Variants in ACOT7 observed in about 807,000 individuals in gnomAD.
The protein encoded by ACOT7 is cytosolic acyl coenzyme A thioester hydrolase.
A neutral mutation model predicts 40.2 loss-of-function variants in ACOT7; 12 were observed. The ratio of observed to expected loss-of-function variants is 0.30; its 90% CI spans 0.19 to 0.48. The LOEUF (loss-of-function observed/expected upper bound fraction) is 0.48, where lower values mean the gene tolerates loss of function less well. Ranked by LOEUF, ACOT7 falls within the 20% of genes least tolerant of loss-of-function variation. The probability of loss-of-function intolerance (pLI) is 0.99; values close to 1 mark genes in which losing one functional copy is unlikely to be tolerated. For synonymous variants in ACOT7, 228 were observed against 219.5 expected (o/e 1.04, Z -0.34); for missense variants, 395 against 530.8 (o/e 0.74, Z 2.51).
intron 8 of ACOT7, among the ~76,000 whole-genome samples, chr1:6,279,306 G>A (rs962436107): frequency 7.2e-5 from 11 of 152,188 alleles, no homozygotes; most frequent in African/African-American, 2.2e-4. Context: ...TGGGTGGCAC[G>A]GTGGGCCAGG....
At chr1:6,269,834 C>A (rs1638973783) in intron 8 of ACOT7, among the ~76,000 whole-genome samples, 1 of 152,248 alleles carries the variant, frequency 6.6e-6, no homozygotes. Flanking sequence ...TCCAGACCAG[C>A]CCAGGAGCCT....
intron 5 of ACOT7, among the ~76,000 whole-genome samples, chr1:6,319,746 G>T (rs1640591908): frequency 6.6e-6 from 1 of 152,170 alleles, no homozygotes; most frequent in African/African-American, 2.4e-5. Flanking sequence ...GCCTGGTCCA[G>T]CCCTTCCAGA....
chr1:6,309,568 G>A (rs115639550), intron 6 of ACOT7, among the ~76,000 whole-genome samples: 1,871 of 152,140 alleles, frequency 0.012, 22 homozygotes, highest in Middle Eastern at 0.041. Context: ...CTATCTCCCC[G>A]ATTTTGATAG....
intron 2 of ACOT7, among the ~76,000 whole-genome samples, chr1:6,339,885 G>A (rs912302363): frequency 1.3e-5 from 2 of 149,764 alleles, no homozygotes; most frequent in South Asian, 2.1e-4. Context: ...GACTACAGGC[G>A]CCCGCTGGGA....
intron 3 of ACOT7, among the ~76,000 whole-genome samples, chr1:6,337,093 T>C (rs956869814): frequency 6.6e-6 from 1 of 152,240 alleles, no homozygotes; most frequent in Non-Finnish European, 1.5e-5. Context: ...AAGCGTATCC[T>C]GCCTTCTCCA....
intron 3 of ACOT7, among the ~76,000 whole-genome samples, chr1:6,336,437 T>A (rs1334786245): frequency 6.6e-6 from 1 of 152,078 alleles, no homozygotes; most frequent in Non-Finnish European, 1.5e-5. Flanking sequence ...CTTAATATTT[T>A]GACAGTTGCT....
chr1:6,306,797 G>A lies in ACOT7; in HGVS notation c.712+11695C>T, dbSNP rs1640169177. On this transcript the variant is annotated intron_variant, in intron 6 of 8. Transcript: ENST00000361521. The surrounding 1 kb of genome is among the most constrained non-coding windows in gnomAD (Gnocchi z 4.3). ...CTGGTGTGTTGTGTCCCACGTAGCA[G>A]TGGGGGCTCCGGCCAAACAAGGTCA... 7.8e-7 allele frequency: 1 copy of A among 1,288,826 alleles called. No individual in the cohort carries two copies. The highest frequency in any genetic ancestry group is 1.0e-6 in the Non-Finnish European group (1 of 988,468). The allele number at this position is 1,288,826 out of a possible 1,614,324, so 79.8% of individuals were successfully genotyped here. A position where few individuals can be genotyped will look rare whatever the true frequency, so the allele number is the denominator to read the frequency against.
chr1:6,365,212 C>T (rs1037037901), intron 1 of ACOT7, among the ~76,000 whole-genome samples: 4 of 152,070 alleles, frequency 2.6e-5, no homozygotes, highest in African/African-American at 9.7e-5. Context: ...AGGGAGGGAC[C>T]AGAGAAGCAG....
chr1:6,278,550 T>G lies in ACOT7; in HGVS notation c.1014+2552A>C, dbSNP rs776013665. Among the ~76,000 whole-genome samples, 1 of 152,134 alleles carries G rather than the reference T, an allele frequency of 6.6e-6. No individual in the cohort carries two copies. The highest frequency in any genetic ancestry group is 2.4e-5 in the African/African-American group (1 of 41,420). ...GCACAGAGGCGGAGAGGGATTTTTT[T>G]GCGGGTGTGATAATGAGTTCCATTC... On this transcript the variant is annotated intron_variant, in intron 8 of 8. Transcript: ENST00000361521. The surrounding 1 kb of genome is among the most constrained non-coding windows in gnomAD (Gnocchi z 4.1).
intron 1 of ACOT7, among the ~76,000 whole-genome samples, chr1:6,363,428 G>T (rs980682047): frequency 1.3e-5 from 2 of 152,168 alleles, no homozygotes. Flanking sequence ...ACATCAGTCA[G>T]GCCTGCCCGC....
At chr1:6,350,785 T>C (rs369695606) in intron 1 of ACOT7, among the ~76,000 whole-genome samples, 1 of 152,192 alleles carries the variant, frequency 6.6e-6, no homozygotes, top group African/African-American at 2.4e-5. Flanking sequence ...CAGGTCTGCA[T>C]CTCCTCTCTG....
rs371500621 is a variant in ACOT7 at position 6,269,049 on chromosome 1, C to T, written c.1015-4354G>A. On this transcript the variant is annotated intron_variant, in intron 8 of 8. Transcript: ENST00000361521. ...CCCTGCGCAACCCATGCTTAGGGCG[C>T]GGCAGGCTGTGCACATCAGGGTCTT... 3.9e-4 allele frequency among the ~76,000 whole-genome samples: 59 copies of T among 152,296 alleles called. 1 individual carries two copies. In the East Asian group the frequency reaches 7.2e-3, roughly 18 times the overall value.
At position 6,349,858 on chromosome 1, in the gene ACOT7, C is replaced by T. The variant is rs1379776164; in HGVS notation, c.152G>A (p.Arg51Gln). 5 of 1,613,956 alleles carry T rather than the reference C, an allele frequency of 3.1e-6. No individual in the cohort carries two copies. Among genetic ancestry groups the T allele is most frequent in the African/African-American group, 2.7e-5 (2 of 74,924 alleles). The change falls in exon 2 of 9, where the codon CGG becomes CAG. Residue 51 changes from arginine to glutamine, a missense_variant. By Grantham distance (43) the Arg-to-Gln change is conservative. Coordinates refer to ENST00000361521, the MANE Select transcript of ACOT7 (RefSeq NM_007274.4). The part of the protein sequence containing the change: ...PSAIQICRIM[R>Q]PDDANVAGNV... ...GCCGGCCACGTTGGCATCATCTGGC[C>T]GCATGATCCTAGGGCAGAGGAGAAG...
In ACOT7 at chr1:6,368,762, G is replaced by A. The variant is rs1298158117; in HGVS notation, c.144-18896C>T. 4.6e-5 allele frequency among the ~76,000 whole-genome samples: 7 copies of A among 152,280 alleles called. 1 individual carries two copies. Among genetic ancestry groups the A allele is most frequent in the South Asian group, 4.1e-4 (2 of 4,824 alleles). ...TGCCTGGCTGTGCAAGGATGGGGGC[G>A]GTGCAGTCAGCTGCCCGGGGAATGC... On this transcript the variant is annotated intron_variant, in intron 1 of 8. Coordinates refer to ENST00000361521, the MANE Select transcript of ACOT7 (RefSeq NM_007274.4).
rs539574218 is a variant in ACOT7, at chr1:6,355,111, C to T, written c.144-5245G>A. 2.6e-5 allele frequency among the ~76,000 whole-genome samples: 4 copies of T among 152,254 alleles called. No homozygotes were observed. The highest frequency in any genetic ancestry group is 1.9e-4 in the East Asian group (1 of 5,172). On this transcript the variant is annotated intron_variant, in intron 1 of 8. Transcript: ENST00000361521. The surrounding 1 kb of genome is among the most constrained non-coding windows in gnomAD (Gnocchi z 5.0). Reference sequence around the variant, plus strand: ...CCAGAGCACTGCTGCTTAGCAGGCACGCCTGGCCCTTCCCACCGTTCTACC... The same window carrying T: ...CCAGAGCACTGCTGCTTAGCAGGCATGCCTGGCCCTTCCCACCGTTCTACC...
intron 1 of ACOT7, among the ~76,000 whole-genome samples, chr1:6,386,735 C>T (rs531358348): frequency 7.9e-5 from 12 of 152,052 alleles, no homozygotes; most frequent in Non-Finnish European, 1.8e-4. Flanking sequence ...GGCGTGCACT[C>T]GTAGTCCCAG....
intron 1 of ACOT7, among the ~76,000 whole-genome samples, chr1:6,377,633 T>C (rs561617861): frequency 1.3e-5 from 2 of 152,298 alleles, no homozygotes; most frequent in African/African-American, 4.8e-5. Context: ...GTATCAATCA[T>C]GCAGGATGTA....
intron 7 of ACOT7, among the ~76,000 whole-genome samples, chr1:6,292,676 GTTTT>G (rs1021520049): frequency 7.1e-6 from 1 of 141,494 alleles, no homozygotes; most frequent in East Asian, 2.0e-4. Flanking sequence ...TTTTTTTTTT[GTTTT>G]TTTGTGTTTT....
chr1:6,324,168 G>A (rs535229435), intron 5 of ACOT7, among the ~76,000 whole-genome samples: 12 of 152,180 alleles, frequency 7.9e-5, no homozygotes, highest in East Asian at 1.9e-4. Flanking sequence ...CTGGGCTCCC[G>A]AGGGTACCGG....
Sources: gnomAD v4.1 joint callset for allele counts (sites outside exome capture counted in the v4.1 genomes callset) on GRCh38, gnomAD v4.1.1 for gene constraint, Gnocchi (gnomAD v3.1) non-coding constraint, MANE v1.5 for transcripts, NCBI Gene and HGNC (gene_info 2026-07-23, HGNC 2026-07-21) for gene names.